Variants in IPO7 observed in about 807,000 individuals in gnomAD.
IPO7 encodes the protein importin-7.
Under a neutral mutation model 136.4 loss-of-function variants are expected in IPO7, and 13 were observed. The observed-to-expected ratio is 0.10, with a 90% CI of 0.06 to 0.15. IPO7 has a LOEUF of 0.15. Ranked by LOEUF, IPO7 falls within the 10% of genes least tolerant of loss-of-function variation. The pLI is 1.00. For synonymous variants in IPO7, 403 were observed against 404.4 expected, an observed-to-expected ratio of 1.00 and a Z score of 0.04; for missense variants, 857 against 1,240.6, an observed-to-expected ratio of 0.69 and a Z score of 4.65.
rs751152823 is a variant in IPO7 at position 9,429,783 on chromosome 11, T to C, written c.1701T>C (p.Cys567=). 6.2e-7 allele frequency: 1 copy of C among 1,604,678 alleles called. No individual in the cohort carries two copies. The highest frequency in any genetic ancestry group is 8.5e-7 in the Non-Finnish European group (1 of 1,175,450). Residue 567 remains cysteine (C), a synonymous_variant, in exon 15 of 25, where the codon TGT becomes TGC. Transcript: ENST00000379719. ...DLTNVIQKMI[C]EYSEEVTPIA... ...CCAATGTAATTCAGAAAATGATCTGTGAATATAGTGAAGAAGTTACTCCTA... is the reference window on the plus strand; with the variant it reads ...CCAATGTAATTCAGAAAATGATCTGCGAATATAGTGAAGAAGTTACTCCTA...
chr11:9,415,681 A>G (rs1464985387), intron 5 of IPO7, among the ~76,000 whole-genome samples: 2 of 152,008 alleles, frequency 1.3e-5, no homozygotes, highest in African/African-American at 4.8e-5. Context: ...TACTAAAAAT[A>G]CAAAAAATTA....
rs1854523391 is a variant in IPO7 at position 9,384,676 on chromosome 11, G to C, written c.-88G>C. The stretch of plus-strand genomic sequence containing the variant: ...TCCTTTCGCGCCGGTTGCCGCTGCG[G>C]AGCGCGGCGGGTCCATGTGCGCAGT... On this transcript the variant is annotated 5_prime_UTR_variant, in exon 1 of 25. Coordinates refer to ENST00000379719, the MANE Select transcript of IPO7 (RefSeq NM_006391.3). The C allele has an allele frequency of 3.6e-6, 4 of 1,121,506 alleles. No individual in the cohort carries two copies. The Admixed American group carries it at 1.0e-4, about 28-fold the overall frequency. 69.5% of individuals were successfully genotyped at this position (1,121,506 alleles called of 1,614,324 possible).
chr11:9,396,480 C>CT (rs1854710595), intron 1 of IPO7, among the ~76,000 whole-genome samples: 1 of 152,172 alleles, frequency 6.6e-6, no homozygotes, highest in African/African-American at 2.4e-5. Flanking sequence ...AATACAGTGG[C>CT]TTTTAGTATG....
At chr11:9,441,108 G>A (rs577734525) in intron 23 of IPO7, among the ~76,000 whole-genome samples, 72 of 152,224 alleles carry the variant, frequency 4.7e-4, no homozygotes, top group African/African-American at 1.7e-3. Context: ...CCTATATTCT[G>A]TGATGTGTTA....
Position 9,394,213 on chromosome 11 carries a change from G to A in IPO7, c.85-9077G>A, listed in dbSNP as rs186201090. Reference sequence around the variant, plus strand: ...AAAATTATTATTAATTTTCCACGCAGTCAGAGGGGAAAGCAATTTCTGATT... The same window carrying A: ...AAAATTATTATTAATTTTCCACGCAATCAGAGGGGAAAGCAATTTCTGATT... On this transcript the variant is annotated intron_variant, in intron 1 of 24. Coordinates refer to ENST00000379719, the MANE Select transcript of IPO7 (RefSeq NM_006391.3). Among the ~76,000 whole-genome samples the A allele has an allele frequency of 4.2e-3, 644 of 152,232 alleles. 5 individuals carry two copies. The highest frequency in any genetic ancestry group is 0.014 in the African/African-American group (597 of 41,538).
chr11:9,407,948 C>A (rs997407231), intron 2 of IPO7, among the ~76,000 whole-genome samples: 2 of 152,326 alleles, frequency 1.3e-5, no homozygotes, highest in Middle Eastern at 3.4e-3. Context: ...AAATAGCAAT[C>A]TGTAATTTCT....
At position 9,440,653 on chromosome 11, in the gene IPO7, T is replaced by G. The variant is rs778328723; in HGVS notation, c.2894T>G (p.Ile965Ser). The change falls in exon 23 of 25, where the codon ATC becomes AGC. Residue 965 changes from isoleucine (I) to serine (S), a missense_variant. Coordinates refer to ENST00000379719, the MANE Select transcript of IPO7 (RefSeq NM_006391.3). The stretch of plus-strand genomic sequence containing the variant: ...GATGAGTATCAGATATTTAAAGCTA[T>G]CTTTCAAAGTAAGTCAACTTGTTAC... ...PVDEYQIFKAIFQTIQNRNPV... is the reference protein window; with the variant it reads ...PVDEYQIFKASFQTIQNRNPV... 91 of 1,607,202 alleles carry G rather than the reference T, an allele frequency of 5.7e-5. No homozygotes were observed. Among genetic ancestry groups the G allele is most frequent in the Non-Finnish European group, 6.4e-5 (75 of 1,174,076 alleles).
intron 6 of IPO7, among the ~76,000 whole-genome samples, chr11:9,419,780 A>G (rs772789139): frequency 4.0e-5 from 6 of 151,898 alleles, no homozygotes; most frequent in Non-Finnish European, 8.8e-5. Context: ...TTATACTTAT[A>G]TATCTGAAAC....
chr11:9,400,724 C>G (rs1002709711), intron 1 of IPO7, among the ~76,000 whole-genome samples: 55 of 151,850 alleles, frequency 3.6e-4, no homozygotes, highest in African/African-American at 1.2e-3. Context: ...GCCCGGCCTA[C>G]TAAATAAGTA....
At chr11:9,408,712 T>TG in intron 3 of IPO7, 73 bp downstream of exon 3, 7 of 988,412 alleles carry the variant, frequency 7.1e-6, no homozygotes, top group Non-Finnish European at 9.7e-6. Context: ...TGGTTTTTTT[T>TG]TTTTTTTTTT....
At chr11:9,398,508 T>C (rs971655864) in intron 1 of IPO7, among the ~76,000 whole-genome samples, 46 of 152,224 alleles carry the variant, frequency 3.0e-4, no homozygotes, top group Admixed American at 3.0e-3. Context: ...TGGTGGAGCA[T>C]GCAAGAGAAG....
chr11:9,384,896 G>A lies in IPO7; in HGVS notation c.84+49G>A, dbSNP rs1486668365. 7 of 1,461,190 alleles carry A rather than the reference G, an allele frequency of 4.8e-6. No homozygotes were observed. The East Asian group carries it at 1.5e-4, about 31-fold the overall frequency. 90.5% of individuals were successfully genotyped at this position (1,461,190 alleles called of 1,614,324 possible). ...GCGGCGGGCAGGCGGGTGGGCAGAA[G>A]TGGCAGGCCGAGCCCCCGGGGCCTG... is the stretch of plus-strand genomic sequence containing the variant. On this transcript the variant is annotated intron_variant, in intron 1 of 24. Transcript: ENST00000379719.
intron 21 of IPO7, 35 bp from the exon 22 acceptor site, chr11:9,438,045 G>GTTTTGT: frequency 9.2e-7 from 1 of 1,087,782 alleles, no homozygotes; most frequent in Non-Finnish European, 1.2e-6. Context: ...AAAGAAAACA[G>GTTTTGT]TTTTTTTTTT....
chr11:9,438,939 T>TA (rs35770282), intron 22 of IPO7, among the ~76,000 whole-genome samples: 54,580 of 151,986 alleles, frequency 0.36, 10,363 homozygotes, highest in Non-Finnish European at 0.43. Flanking sequence ...TATATAATAA[T>TA]AGAGTTGACA....
intron 6 of IPO7, among the ~76,000 whole-genome samples, chr11:9,419,332 G>A (rs1590440335): frequency 1.3e-5 from 2 of 151,138 alleles, no homozygotes; most frequent in South Asian, 4.2e-4. Flanking sequence ...GGCGGATCAC[G>A]AGGTTAGGAG....
rs1384298528 is a variant in IPO7 at position 9,420,602 on chromosome 11, A to G, written c.822-12A>G. The G allele has an allele frequency of 5.6e-6, 9 of 1,602,508 alleles. No individual in the cohort carries two copies. In the African/African-American group the frequency reaches 1.2e-4, roughly 21 times the overall value. ...TTATAAAGAAACAATGGGCATTTTG[A>G]TGTTCTTTTAGATATGGAAGCCCTG... On this transcript the variant is annotated splice_polypyrimidine_tract_variant and intron_variant, in intron 7 of 24. Transcript: ENST00000379719.
intron 19 of IPO7, among the ~76,000 whole-genome samples, 192 bp from the exon 20 acceptor site, chr11:9,436,079 C>T (rs1228151073): frequency 6.6e-6 from 1 of 152,190 alleles, no homozygotes; most frequent in Non-Finnish European, 1.5e-5. Context: ...AGGCAGACAG[C>T]TCCAGATCCT....
At chr11:9,391,323 C>T (rs1221891460) in intron 1 of IPO7, among the ~76,000 whole-genome samples, 3 of 151,390 alleles carry the variant, frequency 2.0e-5, no homozygotes, top group Non-Finnish European at 2.9e-5. Context: ...CACTTGAACC[C>T]GGGAGGCGGA....
chr11:9,416,407 A>G (rs1414783283), intron 5 of IPO7, among the ~76,000 whole-genome samples: 1 of 152,218 alleles, frequency 6.6e-6, no homozygotes, highest in Non-Finnish European at 1.5e-5. Context: ...TAGGAGGATC[A>G]TAACTTTTGG....
Sources: allele counts gnomAD v4.1 joint callset (sites outside exome capture counted in the v4.1 genomes callset), GRCh38; gene constraint gnomAD v4.1.1; transcripts MANE v1.5; gene names NCBI Gene and HGNC (gene_info 2026-07-23, HGNC 2026-07-21).